Variants in NAV2 observed in about 807,000 individuals in gnomAD.
The protein encoded by NAV2 is neuron navigator 2, also known as helicase, APC down-regulated 1.
A neutral mutation model predicts 223.2 loss-of-function variants in NAV2; 54 were observed. That is an observed-to-expected ratio of 0.24 (90% CI 0.19 to 0.30). NAV2 has a LOEUF of 0.30. Ranked by LOEUF, NAV2 falls within the 10% of genes least tolerant of loss-of-function variation. NAV2 has a pLI of 1.00. For synonymous variants in NAV2, 1,279 were observed against 1,239.3 expected (o/e 1.03, Z -0.67); for missense variants, 2,806 against 3,147.5 (o/e 0.89, Z 2.60).
At chr11:20,043,207 A>T (rs950063234) in intron 12 of NAV2, among the ~76,000 whole-genome samples, 1 of 152,130 alleles carries the variant, frequency 6.6e-6, no homozygotes, top group Non-Finnish European at 1.5e-5. Flanking sequence ...TTAGATCCAA[A>T]GATCTCTCTG....
rs755493516 is a variant in NAV2, at chr11:19,713,090, T to C, written c.-606T>C. 3.3e-4 allele frequency among the ~76,000 whole-genome samples: 50 copies of C among 151,932 alleles called. No homozygotes were observed. The highest frequency in any genetic ancestry group is 6.8e-4 in the Non-Finnish European group (46 of 67,976). ...ACCTTTCGGGGGCTCTTGCCGCACCTCTGCTGCGTCGCGGGTGACACTGCG... is the reference window on the plus strand; with the variant it reads ...ACCTTTCGGGGGCTCTTGCCGCACCCCTGCTGCGTCGCGGGTGACACTGCG... On this transcript the variant is annotated 5_prime_UTR_variant, in exon 1 of 38. Transcript: ENST00000349880. This position sits in a 1 kb window ranked among gnomAD's most constrained non-coding sequence, Gnocchi z 7.2.
chr11:19,851,492 G>C (rs1278315345), intron 3 of NAV2, among the ~76,000 whole-genome samples: 2 of 152,114 alleles, frequency 1.3e-5, no homozygotes, highest in Admixed American at 1.3e-4. Flanking sequence ...TATGTGTGCT[G>C]GGCCAGTTAA....
intron 1 of NAV2, among the ~76,000 whole-genome samples, chr11:19,736,402 A>T (rs2052304631): frequency 6.6e-6 from 1 of 152,092 alleles, no homozygotes; most frequent in Non-Finnish European, 1.5e-5. Flanking sequence ...GGATTATGAG[A>T]TCCTCCTTGG....
intron 1 of NAV2, among the ~76,000 whole-genome samples, chr11:19,736,872 A>G (rs1442135019): frequency 9.2e-5 from 14 of 152,216 alleles, no homozygotes; most frequent in Non-Finnish European, 2.1e-4. Context: ...CACCTCCCCT[A>G]GGTTATGCAG....
chr11:19,466,998 C>T (rs1184614238), intron 1 of NAV2, among the ~76,000 whole-genome samples: 5 of 124,652 alleles, frequency 4.0e-5, no homozygotes, highest in Non-Finnish European at 7.1e-5. Flanking sequence ...CACACACACA[C>T]ACACACACAC....
At chr11:19,851,444 G>A (rs1180801687) in intron 3 of NAV2, among the ~76,000 whole-genome samples, 1 of 152,134 alleles carries the variant, frequency 6.6e-6, no homozygotes, top group Non-Finnish European at 1.5e-5. Context: ...ATAAGCATGG[G>A]CTCTGGGATC....
chr11:19,554,103 C>T (rs1274933112), intron 1 of NAV2, among the ~76,000 whole-genome samples: 12 of 152,308 alleles, frequency 7.9e-5, no homozygotes, highest in African/African-American at 2.9e-4. Flanking sequence ...GGAGGCAACA[C>T]AAAATAAAGG....
intron 1 of NAV2, among the ~76,000 whole-genome samples, chr11:19,461,951 A>C (rs1590248181): frequency 6.6e-6 from 1 of 152,058 alleles, no homozygotes; most frequent in South Asian, 2.1e-4. Context: ...GATTACAGGC[A>C]CCCGCCATCA....
At position 20,095,689 on chromosome 11, in the gene NAV2, C is replaced by A. The variant is rs34775480; in HGVS notation, c.5934C>A (p.Leu1978=). The change falls in exon 30 of 38, where the codon CTC becomes CTA. Residue 1978 remains leucine (L), a synonymous_variant. Coordinates refer to ENST00000349880, the MANE Select transcript of NAV2 (RefSeq NM_145117.5). Reference sequence around the variant, plus strand: ...ACCCTTAGGATTCCAGACCACATCTCTTTCTTATTGGCTGCATTGGAGTTA... The same window carrying A: ...ACCCTTAGGATTCCAGACCACATCTATTTCTTATTGGCTGCATTGGAGTTA... The part of the protein sequence containing the change: ...MKWKEDSRPH[L]FLIGCIGVSG... 286 of 1,613,702 alleles carry A rather than the reference C, an allele frequency of 1.8e-4. No individual in the cohort carries two copies. In the African/African-American group the frequency reaches 3.5e-3, roughly 20 times the overall value.
chr11:19,831,252 G>T (rs1220892044), intron 1 of NAV2, among the ~76,000 whole-genome samples: 1 of 140,180 alleles, frequency 7.1e-6, no homozygotes, highest in African/African-American at 2.7e-5. Context: ...ATGGGGAGTG[G>T]GGGGGGATGA....
chr11:19,999,089 C>T (rs1363258837), intron 11 of NAV2, among the ~76,000 whole-genome samples: 2 of 152,242 alleles, frequency 1.3e-5, no homozygotes, highest in African/African-American at 4.8e-5. Flanking sequence ...AACCAGTGTG[C>T]TTCTGGTGCC....
chr11:19,689,794 T>C (rs963474182), intron 1 of NAV2, among the ~76,000 whole-genome samples: 2 of 152,218 alleles, frequency 1.3e-5, no homozygotes, highest in Non-Finnish European at 2.9e-5. Flanking sequence ...CTGTAGCACA[T>C]GGACAGAGTG....
At chr11:19,894,806 C>T (rs2041814530) in intron 6 of NAV2, among the ~76,000 whole-genome samples, 1 of 152,194 alleles carries the variant, frequency 6.6e-6, no homozygotes, top group Non-Finnish European at 1.5e-5. Flanking sequence ...TCTTGGCTCA[C>T]TACAACCTCC....
intron 1 of NAV2, among the ~76,000 whole-genome samples, chr11:19,665,078 G>A (rs975359542): frequency 2.6e-5 from 4 of 152,220 alleles, no homozygotes; most frequent in Admixed American, 1.3e-4. Context: ...GTGGGGGTTG[G>A]AGAGGGAGAG....
At chr11:19,867,887 A>G (rs538244134) in intron 3 of NAV2, among the ~76,000 whole-genome samples, 1 of 152,346 alleles carries the variant, frequency 6.6e-6, no homozygotes, top group African/African-American at 2.4e-5. Context: ...ACGCTACTCA[A>G]ATTAGAGCTC....
At chr11:19,697,868 C>A (rs2049395064) in intron 1 of NAV2, among the ~76,000 whole-genome samples, 1 of 152,156 alleles carries the variant, frequency 6.6e-6, no homozygotes, top group Non-Finnish European at 1.5e-5. Flanking sequence ...GGGCCTCCTG[C>A]TCCTTTTTCC....
intron 1 of NAV2, among the ~76,000 whole-genome samples, chr11:19,688,811 G>A (rs778592760): frequency 1.6e-4 from 25 of 152,186 alleles, no homozygotes; most frequent in African/African-American, 5.5e-4. Context: ...GGGACTATGA[G>A]TATAGGCATG....
intron 1 of NAV2, among the ~76,000 whole-genome samples, chr11:19,521,792 G>A (rs959256818): frequency 6.6e-6 from 1 of 152,152 alleles, no homozygotes; most frequent in Non-Finnish European, 1.5e-5. Context: ...GCCAACGGTC[G>A]CTCCAGCAGA....
At chr11:19,874,035 G>A (rs1280739797) in intron 4 of NAV2, among the ~76,000 whole-genome samples, 1 of 152,042 alleles carries the variant, frequency 6.6e-6, no homozygotes, top group Non-Finnish European at 1.5e-5. Context: ...CCCTCCCTTT[G>A]GCTTTGAATC....
Sources: allele counts gnomAD v4.1 joint callset (sites outside exome capture counted in the v4.1 genomes callset), GRCh38; gene constraint gnomAD v4.1.1; non-coding constraint Gnocchi (gnomAD v3.1); transcripts MANE v1.5; gene names NCBI Gene and HGNC (gene_info 2026-07-23, HGNC 2026-07-21).